The following ANKRD17 variants were observed in gnomAD, a reference collection of about 807,000 sequenced individuals.
The protein encoded by ANKRD17 is ankyrin repeat domain 17.
Under a neutral mutation model 229.7 loss-of-function variants are expected in ANKRD17, and 19 were observed. The ratio of observed to expected loss-of-function variants is 0.08; its 90% confidence interval spans 0.06 to 0.12. The LOEUF is 0.12. Among genes scored for constraint, ANKRD17 ranks in the 10% least tolerant of loss-of-function variants. ANKRD17 has a pLI of 1.00. For synonymous variants in ANKRD17, 1,112 were observed against 1,146.1 expected, an observed-to-expected ratio of 0.97 and a Z score of 0.60; for missense variants, 2,176 against 3,176.8, an observed-to-expected ratio of 0.68 and a Z score of 7.57.
chr4:73,115,516 C>CT (rs1211487196), intron 23 of ANKRD17, among the ~76,000 whole-genome samples: 1 of 152,080 alleles, frequency 6.6e-6, no homozygotes, highest in African/African-American at 2.4e-5. Flanking sequence ...TCTTGAACTC[C>CT]TGGGCTCATG....
intron 1 of ANKRD17, among the ~76,000 whole-genome samples, chr4:73,183,559 A>G (rs1472759963): frequency 6.6e-6 from 1 of 152,008 alleles, no homozygotes; most frequent in Non-Finnish European, 1.5e-5. Flanking sequence ...GGTTCAAGCG[A>G]TTCTCCCACC....
At chr4:73,217,934 AT>A (rs956834584) in intron 1 of ANKRD17, among the ~76,000 whole-genome samples, 1 of 152,226 alleles carries the variant, frequency 6.6e-6, no homozygotes, top group Non-Finnish European at 1.5e-5. Context: ...GGTCCCAAAC[AT>A]TTTAGATAAG....
Position 73,136,982 on chromosome 4 carries a change from T to TG in ANKRD17, c.3086-1718_3086-1717insC, listed in dbSNP as rs201457451. ...AAAGAACCTACCAAAATTACAGAGT[T>TG]TTTTTTTTTTTTTTTTTTAAGTCAA... is the stretch of plus-strand genomic sequence containing the variant. On this transcript the variant is annotated intron_variant, in intron 15 of 33. Transcript: ENST00000358602. Among the ~76,000 whole-genome samples the TG allele has an allele frequency of 1.2e-4, 6 of 50,374 alleles. No individual in the cohort carries two copies. The East Asian group carries it at 2.0e-3, about 16-fold the overall frequency. The allele number at this position is 50,374 out of a possible 152,430, so 33.0% of individuals were successfully genotyped here. A position where few individuals can be genotyped will look rare whatever the true frequency, so the allele number is the denominator to read the frequency against.
At chr4:73,206,646 T>G (rs1739499485) in intron 1 of ANKRD17, among the ~76,000 whole-genome samples, 1 of 152,050 alleles carries the variant, frequency 6.6e-6, no homozygotes, top group Non-Finnish European at 1.5e-5. Flanking sequence ...GTGAGTAAAA[T>G]GGTGGTTACC....
intron 1 of ANKRD17, among the ~76,000 whole-genome samples, chr4:73,184,425 A>G (rs1212825890): frequency 6.8e-6 from 1 of 146,698 alleles, no homozygotes; most frequent in Admixed American, 6.9e-5. Flanking sequence ...GCTACTCAGG[A>G]GGCTGAGACA....
intron 30 of ANKRD17, among the ~76,000 whole-genome samples, chr4:73,079,269 T>C (rs1721309394): frequency 1.3e-5 from 2 of 152,230 alleles, no homozygotes; most frequent in Non-Finnish European, 1.5e-5. Context: ...CCAAACTGTA[T>C]TCCCTGGGAA....
intron 3 of ANKRD17, among the ~76,000 whole-genome samples, 155 bp from the exon 4 acceptor site, chr4:73,156,321 G>T (rs958004330): frequency 6.6e-6 from 1 of 152,164 alleles, no homozygotes; most frequent in Non-Finnish European, 1.5e-5. Context: ...TCAGCTCACT[G>T]CAGCCTTAAA....
chr4:73,114,411 A>C (rs1436137265), intron 23 of ANKRD17, among the ~76,000 whole-genome samples: 1 of 151,954 alleles, frequency 6.6e-6, no homozygotes, highest in Non-Finnish European at 1.5e-5. Context: ...GTCACACTTT[A>C]GGACAGTAAA....
intron 1 of ANKRD17, among the ~76,000 whole-genome samples, chr4:73,248,974 A>C (rs965263031): frequency 4.6e-5 from 7 of 152,114 alleles, no homozygotes; most frequent in African/African-American, 1.4e-4. Flanking sequence ...AAGAGACAAC[A>C]ATGGGGTCAA....
intron 1 of ANKRD17, among the ~76,000 whole-genome samples, chr4:73,183,682 C>T (rs955026937): frequency 6.6e-6 from 1 of 151,986 alleles, no homozygotes; most frequent in African/African-American, 2.4e-5. Flanking sequence ...CACCAAAACA[C>T]AAGTTTTGTG....
At chr4:73,114,143 A>T (rs573676532) in intron 23 of ANKRD17, among the ~76,000 whole-genome samples, 1 of 152,202 alleles carries the variant, frequency 6.6e-6, no homozygotes, top group Non-Finnish European at 1.5e-5. Flanking sequence ...TCCATTTAGC[A>T]GGCACTTCAG....
intron 6 of ANKRD17, among the ~76,000 whole-genome samples, chr4:73,151,783 A>G (rs1375036667): frequency 6.6e-6 from 1 of 152,134 alleles, no homozygotes; most frequent in African/African-American, 2.4e-5. Flanking sequence ...ATTAAAATCC[A>G]ACACCCAAAA....
intron 2 of ANKRD17, among the ~76,000 whole-genome samples, chr4:73,165,525 T>C (rs1308333036): frequency 6.6e-6 from 1 of 152,176 alleles, no homozygotes; most frequent in Non-Finnish European, 1.5e-5. Flanking sequence ...AGACAAACAC[T>C]GGCAGGTGTG....
At chr4:73,212,660 G>A (rs1044052723) in intron 1 of ANKRD17, among the ~76,000 whole-genome samples, 1 of 152,148 alleles carries the variant, frequency 6.6e-6, no homozygotes. Context: ...TTTCTGATAT[G>A]TGTGAACATT....
chr4:73,176,844 C>A (rs1734797950), intron 2 of ANKRD17, among the ~76,000 whole-genome samples: 1 of 152,152 alleles, frequency 6.6e-6, no homozygotes, highest in Non-Finnish European at 1.5e-5. Context: ...CTTACACCTA[C>A]TATGTACCCA....
intron 23 of ANKRD17, among the ~76,000 whole-genome samples, chr4:73,115,474 G>T (rs1386403017): frequency 2.0e-5 from 3 of 152,032 alleles, no homozygotes; most frequent in Non-Finnish European, 2.9e-5. Flanking sequence ...TATTTTTGTA[G>T]AGATGGGGTC....
intron 2 of ANKRD17, among the ~76,000 whole-genome samples, chr4:73,168,580 T>C (rs1316309132): frequency 6.6e-6 from 1 of 152,162 alleles, no homozygotes; most frequent in Non-Finnish European, 1.5e-5. Context: ...TGGGGAAAAT[T>C]ATATATTGTC....
rs571471213 is a variant in ANKRD17 at position 73,099,211 on chromosome 4, C to T, written c.4574-691G>A. On this transcript the variant is annotated intron_variant, in intron 25 of 33. Coordinates refer to ENST00000358602, the MANE Select transcript of ANKRD17 (RefSeq NM_032217.5). Reference sequence around the variant, plus strand: ...TTCTGGGACTGGACAGCTTTTGCTCCGCTCCCACCGCCCCCGCCCCTTTCC... The same window carrying T: ...TTCTGGGACTGGACAGCTTTTGCTCTGCTCCCACCGCCCCCGCCCCTTTCC... 6.3e-4 allele frequency: 384 copies of T among 611,078 alleles called. 2 individuals carry two copies. Among genetic ancestry groups the T allele is most frequent in the East Asian group, 5.5e-3 (151 of 27,478 alleles). The allele number at this position is 611,078 out of a possible 1,614,324, so 37.9% of individuals were successfully genotyped here.
chr4:73,106,222 C>A (rs1724593812), intron 24 of ANKRD17, among the ~76,000 whole-genome samples: 1 of 151,426 alleles, frequency 6.6e-6, no homozygotes, highest in Admixed American at 6.6e-5. Flanking sequence ...CCAGCCTGGG[C>A]AACAGAGCAA....
Sources: gnomAD v4.1 joint callset for allele counts (sites outside exome capture counted in the v4.1 genomes callset) on GRCh38, gnomAD v4.1.1 for gene constraint, MANE v1.5 for transcripts, NCBI Gene and HGNC (gene_info 2026-07-23, HGNC 2026-07-21) for gene names.